The following PHF20L1 variants were observed in gnomAD, a reference collection of about 807,000 sequenced individuals.
The protein encoded by PHF20L1 is PHD finger protein 20-like protein 1.
PHF20L1 carries 44 observed loss-of-function variants against 125.5 expected under a neutral mutation model. The ratio of observed to expected loss-of-function variants is 0.35; its 90% confidence interval spans 0.28 to 0.45. The LOEUF (loss-of-function observed/expected upper bound fraction) is 0.45. Ranked by LOEUF, PHF20L1 falls within the 20% of genes least tolerant of loss-of-function variation. PHF20L1 has a pLI of 1.00. For missense variants in PHF20L1, 1,012 were observed against 1,217.2 expected (o/e 0.83, Z 2.51); for synonymous variants, 380 against 403.1 (o/e 0.94, Z 0.69).
At chr8:132,836,913 G>A (rs1292028192) in intron 16 of PHF20L1, among the ~76,000 whole-genome samples, 192 bp downstream of exon 16, 1 of 152,078 alleles carries the variant, frequency 6.6e-6, no homozygotes, top group Admixed American at 6.6e-5. Context: ...TCTTATTTTA[G>A]CATCTCTCTT....
chr8:132,841,016 A>C (rs941289719), intron 18 of PHF20L1, among the ~76,000 whole-genome samples: 2 of 152,074 alleles, frequency 1.3e-5, no homozygotes, highest in Admixed American at 1.3e-4. Flanking sequence ...AAGTGCTAAG[A>C]CTTAAGGGAG....
chr8:132,836,043 AAAAG>A (rs760214908), intron 15 of PHF20L1, among the ~76,000 whole-genome samples: 46 of 152,074 alleles, frequency 3.0e-4, no homozygotes, highest in Non-Finnish European at 5.6e-4. Context: ...ATTAATCCAA[AAAAG>A]AAAGAAGAAA....
intron 14 of PHF20L1, among the ~76,000 whole-genome samples, chr8:132,828,216 G>C (rs1016951630): frequency 6.6e-6 from 1 of 151,974 alleles, no homozygotes; most frequent in South Asian, 2.1e-4. Context: ...TATATATCCT[G>C]CTGGTACTTA....
chr8:132,781,200 A>C (rs1830386712), intron 2 of PHF20L1, among the ~76,000 whole-genome samples: 1 of 152,104 alleles, frequency 6.6e-6, no homozygotes, highest in Non-Finnish European at 1.5e-5. Flanking sequence ...CTCTAAATTT[A>C]GTAGGTGGAA....
chr8:132,793,897 A>C (rs1291967694), intron 2 of PHF20L1, among the ~76,000 whole-genome samples: 1 of 152,112 alleles, frequency 6.6e-6, no homozygotes, highest in Admixed American at 6.5e-5. Flanking sequence ...ATTTATGCTA[A>C]ATAGAGTTCT....
intron 4 of PHF20L1, among the ~76,000 whole-genome samples, chr8:132,797,083 G>T (rs1832479874): frequency 6.6e-6 from 1 of 152,000 alleles, no homozygotes; most frequent in Non-Finnish European, 1.5e-5. Context: ...TAGTGGAAGA[G>T]TGTTGATACT....
At chr8:132,796,390 A>C (rs1028629342) in intron 4 of PHF20L1, among the ~76,000 whole-genome samples, 9 of 152,126 alleles carry the variant, frequency 5.9e-5, no homozygotes, top group Non-Finnish European at 1.2e-4. Context: ...TTTTAGGCTG[A>C]GGATTTAATC....
At position 132,788,634 on chromosome 8, in the gene PHF20L1, GTA is replaced by G. The variant is rs563204935; in HGVS notation, c.84-5770_84-5769del. Among the ~76,000 whole-genome samples, 58 of 151,784 alleles carry G rather than the reference GTA, an allele frequency of 3.8e-4. No individual in the cohort carries two copies. In the South Asian group the frequency reaches 0.012, roughly 31 times the overall value. ...TTTATCAATACAGATAGAAATCTGG[GTA>G]TATATTTTAAATTAGAAGATAAATC... On this transcript the variant is annotated intron_variant, in intron 2 of 20. Transcript: ENST00000395386.
intron 2 of PHF20L1, among the ~76,000 whole-genome samples, chr8:132,783,603 T>C (rs1417757710): frequency 6.6e-6 from 1 of 152,120 alleles, no homozygotes; most frequent in Non-Finnish European, 1.5e-5. Flanking sequence ...AAATATAGCA[T>C]TGTAGGAACA....
Position 132,847,124 on chromosome 8 carries a change from C to G in PHF20L1, c.*1201C>G, listed in dbSNP as rs532553583. 2 of 152,688 alleles carry G rather than the reference C, an allele frequency of 1.3e-5. No homozygotes were observed. The highest frequency in any genetic ancestry group is 4.8e-5 in the African/African-American group (2 of 41,556). The allele number at this position is 152,688 out of a possible 1,614,324, so 9.5% of individuals were successfully genotyped here. ...TACTCATGTGAGTTGTATGTGCCCC[C>G]AGTGCTACATACGCAGGTATGCGTA... On this transcript the variant is annotated 3_prime_UTR_variant, in exon 21 of 21. Coordinates refer to ENST00000395386, the MANE Select transcript of PHF20L1 (RefSeq NM_016018.5).
intron 2 of PHF20L1, 80 bp downstream of exon 2, chr8:132,777,991 C>A (rs1374711778): frequency 3.5e-6 from 3 of 845,966 alleles, no homozygotes; most frequent in Non-Finnish European, 6.0e-6. Context: ...GTAAATTCCA[C>A]TGATGGTAGC....
chr8:132,778,926 A>G (rs985012081), intron 2 of PHF20L1, among the ~76,000 whole-genome samples: 6 of 152,210 alleles, frequency 3.9e-5, no homozygotes, highest in East Asian at 1.9e-4. Context: ...ATTTAAAACC[A>G]TACTGGGCAT....
chr8:132,817,175 A>G (rs1341443781), intron 11 of PHF20L1, 99 bp downstream of exon 11: 4 of 929,902 alleles, frequency 4.3e-6, no homozygotes, highest in Admixed American at 3.0e-5. Context: ...TTCTGCTCTT[A>G]TATCTTCTGG....
Position 132,799,035 on chromosome 8 carries a change from TG to T in PHF20L1, c.430-59del, listed in dbSNP as rs931385642. ...TAGACTGTAAAATAAATTATACATT[TG>T]ATTTTTGCTTCTTTGGTTTAGACCT... On this transcript the variant is annotated intron_variant, in intron 5 of 20. Transcript: ENST00000395386. 9 of 1,429,800 alleles carry T rather than the reference TG, an allele frequency of 6.3e-6. No homozygotes were observed. The African/African-American group carries it at 9.9e-5, about 16-fold the overall frequency. The allele number at this position is 1,429,800 out of a possible 1,614,324, so 88.6% of individuals were successfully genotyped here. A position where few individuals can be genotyped will look rare whatever the true frequency, so the allele number is the denominator to read the frequency against.
chr8:132,808,833 A>G (rs1459142298), intron 8 of PHF20L1: 1 of 139,584 alleles, frequency 7.2e-6, no homozygotes, highest in South Asian at 2.3e-4. Flanking sequence ...TTTTTTTTTT[A>G]AATCTCAAAC....
chr8:132,806,884 G>T (rs1387630545), intron 8 of PHF20L1: 2 of 151,918 alleles, frequency 1.3e-5, no homozygotes, highest in African/African-American at 4.8e-5. Context: ...TTTTTTTAAA[G>T]AGTTCTAACT....
intron 2 of PHF20L1, among the ~76,000 whole-genome samples, chr8:132,780,589 A>G (rs745484168): frequency 1.6e-4 from 24 of 152,182 alleles, no homozygotes; most frequent in Middle Eastern, 3.4e-3. Context: ...TAGTCTTCCA[A>G]ATTTATTCAA....
At chr8:132,845,087 G>A (rs1413484284) in intron 20 of PHF20L1, among the ~76,000 whole-genome samples, 1 of 151,940 alleles carries the variant, frequency 6.6e-6, no homozygotes. Flanking sequence ...CTGGGTATAA[G>A]CTAACTGTAG....
chr8:132,781,719 C>T (rs1263972796), intron 2 of PHF20L1, among the ~76,000 whole-genome samples: 1 of 152,246 alleles, frequency 6.6e-6, no homozygotes, highest in African/African-American at 2.4e-5. Context: ...GCGTGAGCCA[C>T]TGCGCCAGGC....
Sources: gnomAD v4.1 joint callset for allele counts (sites outside exome capture counted in the v4.1 genomes callset) on GRCh38, gnomAD v4.1.1 for gene constraint, MANE v1.5 for transcripts, NCBI Gene and HGNC (gene_info 2026-07-23, HGNC 2026-07-21) for gene names.